Variants in CNTN3 observed in about 807,000 individuals in gnomAD.
CNTN3 encodes contactin-3.
Under a neutral mutation model 119.1 loss-of-function variants are expected in CNTN3, and 60 were observed. The ratio of observed to expected loss-of-function variants is 0.50; its 90% CI spans 0.41 to 0.62. The LOEUF (loss-of-function observed/expected upper bound fraction) is 0.62. Ranked by LOEUF, CNTN3 falls within the 20% of genes least tolerant of loss-of-function variation. CNTN3 has a pLI of 0.00. For synonymous variants in CNTN3, 450 were observed against 438.7 expected (o/e 1.03, Z -0.32); for missense variants, 1,101 against 1,242.4 (o/e 0.89, Z 1.71).
At chr3:74,362,595 G>A (rs79897928) in intron 10 of CNTN3, among the ~76,000 whole-genome samples, 9,063 of 152,142 alleles carry the variant, frequency 0.06, 932 homozygotes, top group African/African-American at 0.2. Context: ...ATTGCATGAA[G>A]TATAATAATG....
intron 4 of CNTN3, among the ~76,000 whole-genome samples, chr3:74,455,055 C>A (rs957374824): frequency 6.6e-6 from 1 of 152,060 alleles, no homozygotes; most frequent in African/African-American, 2.4e-5. Context: ...TGTTGGCCTG[C>A]CTTGCTAGAT....
chr3:74,611,592 G>T lies in CNTN3; in HGVS notation c.-81+2799C>A, dbSNP rs76663045. The stretch of plus-strand genomic sequence containing the variant: ...AGATCTGTCACCCCTCAATTTCAAA[G>T]AAATGTTCTATCTTAAACTGTTCCG... On this transcript the variant is annotated intron_variant, in intron 1 of 22. Transcript: ENST00000263665. 5.5e-3 allele frequency among the ~76,000 whole-genome samples: 839 copies of T among 152,194 alleles called. 6 individuals are homozygous for T. Among genetic ancestry groups the T allele is most frequent in the Middle Eastern group, 0.014 (4 of 294 alleles).
chr3:74,610,795 T>C (rs888053642), intron 1 of CNTN3, among the ~76,000 whole-genome samples: 1 of 151,936 alleles, frequency 6.6e-6, no homozygotes, highest in African/African-American at 2.4e-5. Flanking sequence ...TGGAGGGAAG[T>C]GGGCGAATGT....
intron 17 of CNTN3, among the ~76,000 whole-genome samples, chr3:74,298,846 G>A (rs922620158): frequency 4.9e-5 from 7 of 142,428 alleles, no homozygotes; most frequent in South Asian, 2.2e-4. Flanking sequence ...GCAATGAGCC[G>A]ATATCACGCC....
At chr3:74,476,631 GAATACCTA>G (rs1331837254) in intron 4 of CNTN3, among the ~76,000 whole-genome samples, 1 of 152,136 alleles carries the variant, frequency 6.6e-6, no homozygotes, top group Non-Finnish European at 1.5e-5. Flanking sequence ...CACTATGAAT[GAATACCTA>G]AATACTTTAG....
intron 1 of CNTN3, among the ~76,000 whole-genome samples, chr3:74,538,623 GGTT>G (rs1229798240): frequency 2.6e-5 from 4 of 152,084 alleles, no homozygotes; most frequent in Non-Finnish European, 4.4e-5. Context: ...AATAAATAAA[GGTT>G]GTTATCATTT....
intron 3 of CNTN3, among the ~76,000 whole-genome samples, chr3:74,491,441 T>C (rs1286638060): frequency 9.2e-5 from 14 of 152,050 alleles, no homozygotes. Context: ...TGGAAGTTGC[T>C]GCCAGCTGAG....
chr3:74,350,680 T>C (rs1046809423), intron 11 of CNTN3, among the ~76,000 whole-genome samples: 4 of 152,112 alleles, frequency 2.6e-5, no homozygotes, highest in African/African-American at 9.7e-5. Flanking sequence ...TAGTTGCCCA[T>C]GAACAGTGTA....
intron 5 of CNTN3, among the ~76,000 whole-genome samples, chr3:74,407,665 G>T (rs977458451): frequency 6.6e-6 from 1 of 151,988 alleles, no homozygotes; most frequent in Non-Finnish European, 1.5e-5. Flanking sequence ...CTGGGGAGTG[G>T]ACGATGAGCA....
At chr3:74,600,385 A>T (rs1270301387) in intron 1 of CNTN3, among the ~76,000 whole-genome samples, 3 of 151,960 alleles carry the variant, frequency 2.0e-5, no homozygotes, top group African/African-American at 7.2e-5. Context: ...AGTTATATAA[A>T]TTTTTCTTCC....
intron 1 of CNTN3, among the ~76,000 whole-genome samples, chr3:74,553,896 T>C (rs1369122064): frequency 1.3e-5 from 2 of 152,226 alleles, no homozygotes; most frequent in East Asian, 1.9e-4. Flanking sequence ...TAGTTTCTTT[T>C]GCTGTGCAGA....
chr3:74,592,439 C>G (rs1704718960), intron 1 of CNTN3, among the ~76,000 whole-genome samples: 1 of 151,522 alleles, frequency 6.6e-6, no homozygotes, highest in African/African-American at 2.4e-5. Flanking sequence ...TACGCTTACT[C>G]TAAAAATCAC....
chr3:74,384,509 TTC>T (rs370943814), intron 5 of CNTN3, among the ~76,000 whole-genome samples: 22 of 152,380 alleles, frequency 1.4e-4, no homozygotes, highest in African/African-American at 5.3e-4. Flanking sequence ...TGCTCATTGA[TTC>T]TCTTTCAAAT....
At chr3:74,577,872 G>T (rs1704443419) in intron 1 of CNTN3, among the ~76,000 whole-genome samples, 1 of 151,994 alleles carries the variant, frequency 6.6e-6, no homozygotes, top group Non-Finnish European at 1.5e-5. Context: ...CTTGAAACAT[G>T]CCTGGCACAA....
intron 3 of CNTN3, among the ~76,000 whole-genome samples, chr3:74,496,311 T>A (rs1703062214): frequency 6.6e-6 from 1 of 152,112 alleles, no homozygotes; most frequent in African/African-American, 2.4e-5. Context: ...ATATCTAAAT[T>A]GTAAAACTCT....
intron 5 of CNTN3, among the ~76,000 whole-genome samples, chr3:74,414,877 CTTTTT>C (rs71129747): frequency 3.4e-5 from 4 of 117,140 alleles, no homozygotes; most frequent in Non-Finnish European, 3.4e-5. Context: ...TTCCTATAGT[CTTTTT>C]TTTTTTTTTT....
At chr3:74,497,988 C>A (rs1405039126) in intron 3 of CNTN3, among the ~76,000 whole-genome samples, 1 of 151,844 alleles carries the variant, frequency 6.6e-6, no homozygotes, top group Non-Finnish European at 1.5e-5. Flanking sequence ...TAAAACTATA[C>A]AAACATAATT....
intron 5 of CNTN3, among the ~76,000 whole-genome samples, chr3:74,380,921 A>C (rs1430335745): frequency 6.6e-6 from 1 of 152,200 alleles, no homozygotes; most frequent in Non-Finnish European, 1.5e-5. Context: ...GATTTTTAAA[A>C]GCTTAATAAA....
chr3:74,407,677 T>C (rs1238864653), intron 5 of CNTN3, among the ~76,000 whole-genome samples: 1 of 151,972 alleles, frequency 6.6e-6, no homozygotes, highest in Non-Finnish European at 1.5e-5. Flanking sequence ...CGATGAGCAG[T>C]TGCTTGGTGA....
Sources: gnomAD v4.1 joint callset for allele counts (sites outside exome capture counted in the v4.1 genomes callset) on GRCh38, gnomAD v4.1.1 for gene constraint, MANE v1.5 for transcripts, NCBI Gene and HGNC (gene_info 2026-07-23, HGNC 2026-07-21) for gene names.